BCAR3: variants seen among roughly 807,000 people sequenced by gnomAD.
BCAR3 encodes the protein breast cancer anti-estrogen resistance protein 3.
Under a neutral mutation model 80.1 loss-of-function variants are expected in BCAR3, and 37 were observed. The observed-to-expected ratio is 0.46, with a 90% CI of 0.36 to 0.61. BCAR3 has a LOEUF of 0.61. BCAR3 is among the 20% of genes least tolerant of loss of function. The pLI is 0.00. For missense variants in BCAR3, 978 were observed against 1,068.2 expected (o/e 0.92, Z 1.18); for synonymous variants, 389 against 418.9 (o/e 0.93, Z 0.87).
rs146206321 is a variant in BCAR3, at chr1:93,820,009, C to T, written c.-63+25558G>A. Among the ~76,000 whole-genome samples the T allele has an allele frequency of 5.4e-3, 818 of 152,262 alleles. 3 individuals carry two copies. The highest frequency in any genetic ancestry group is 0.033 in the South Asian group (158 of 4,822). ...GTTTAGCTCCATTTATAAATGAGAA[C>T]ATGTGGTATTTGGTTTTCTGTTCCT... On this transcript the variant is annotated intron_variant, in intron 2 of 13. Transcript: ENST00000370244.
At chr1:93,727,763 G>T (rs558082234) in intron 2 of BCAR3, among the ~76,000 whole-genome samples, 1 of 152,294 alleles carries the variant, frequency 6.6e-6, no homozygotes, top group East Asian at 1.9e-4. Flanking sequence ...TAATATGTTG[G>T]TGTATGCAGC....
chr1:93,698,595 T>C (rs1649515208), intron 3 of BCAR3, among the ~76,000 whole-genome samples: 1 of 152,144 alleles, frequency 6.6e-6, no homozygotes, highest in Admixed American at 6.5e-5. Context: ...GAAGGCAATA[T>C]ACTCATGACT....
intron 2 of BCAR3, among the ~76,000 whole-genome samples, chr1:93,836,476 T>G (rs1654772316): frequency 6.6e-6 from 1 of 151,998 alleles, no homozygotes; most frequent in African/African-American, 2.4e-5. Context: ...ATACGACAAA[T>G]GCTCCTTCTA....
At chr1:93,616,357 G>A (rs1407091570) in intron 3 of BCAR3, among the ~76,000 whole-genome samples, 3 of 152,150 alleles carry the variant, frequency 2.0e-5, no homozygotes, top group South Asian at 2.1e-4. Flanking sequence ...CTAAAATAAC[G>A]TGTTGTTTTT....
At chr1:93,679,100 C>T (rs1045720919) in intron 1 of BCAR3, among the ~76,000 whole-genome samples, 1 of 152,200 alleles carries the variant, frequency 6.6e-6, no homozygotes, top group African/African-American at 2.4e-5. Context: ...GCTGTATGGC[C>T]TGGGACAAGT....
chr1:93,591,118 AAGTC>A (rs1232889548), intron 4 of BCAR3, among the ~76,000 whole-genome samples: 3 of 150,874 alleles, frequency 2.0e-5, no homozygotes, highest in Non-Finnish European at 4.4e-5. Context: ...TAAAAAAACA[AAGTC>A]AGAATAATAA....
chr1:93,626,938 ATTC>A (rs1388724929), intron 3 of BCAR3, among the ~76,000 whole-genome samples: 1 of 152,232 alleles, frequency 6.6e-6, no homozygotes, highest in East Asian at 1.9e-4. Flanking sequence ...AAACTTGGTT[ATTC>A]AGACTCGGGT....
At chr1:93,639,462 G>A (rs953293539) in intron 3 of BCAR3, among the ~76,000 whole-genome samples, 1 of 151,432 alleles carries the variant, frequency 6.6e-6, no homozygotes, top group African/African-American at 2.4e-5. Context: ...TCTCCGATGG[G>A]GAGGGGAGCA....
chr1:93,665,931 T>C (rs1220364895), intron 2 of BCAR3, among the ~76,000 whole-genome samples: 1 of 151,926 alleles, frequency 6.6e-6, no homozygotes, highest in Non-Finnish European at 1.5e-5. Flanking sequence ...CCCCACCATA[T>C]CCAAACCTCA....
At chr1:93,689,212 C>T (rs1649081981) in intron 3 of BCAR3, among the ~76,000 whole-genome samples, 1 of 151,186 alleles carries the variant, frequency 6.6e-6, no homozygotes, top group South Asian at 2.1e-4. Context: ...GGGGGCTGGG[C>T]GTGGTGGCTC....
At chr1:93,798,598 A>C (rs2100784995) in intron 2 of BCAR3, among the ~76,000 whole-genome samples, 1 of 152,306 alleles carries the variant, frequency 6.6e-6, no homozygotes, top group Middle Eastern at 3.4e-3. Context: ...TATAAATATT[A>C]GTTATTTGAT....
intron 2 of BCAR3, among the ~76,000 whole-genome samples, chr1:93,827,878 G>A (rs541582504): frequency 1.3e-5 from 2 of 152,246 alleles, no homozygotes; most frequent in South Asian, 4.1e-4. Context: ...AACTAAAAGA[G>A]ATTGGAAGGC....
At chr1:93,691,977 T>C (rs1431407360) in intron 3 of BCAR3, among the ~76,000 whole-genome samples, 1 of 152,262 alleles carries the variant, frequency 6.6e-6, no homozygotes, top group African/African-American at 2.4e-5. Flanking sequence ...TCTCTACTTT[T>C]GCATATGGTT....
chr1:93,816,974 C>T (rs555417053), intron 2 of BCAR3, among the ~76,000 whole-genome samples: 1 of 152,172 alleles, frequency 6.6e-6, no homozygotes, highest in South Asian at 2.1e-4. Flanking sequence ...AACCACCACC[C>T]CCTCAAAAAA....
At chr1:93,645,679 T>C (rs1676133070) in intron 2 of BCAR3, among the ~76,000 whole-genome samples, 1 of 151,546 alleles carries the variant, frequency 6.6e-6, no homozygotes, top group African/African-American at 2.4e-5. Context: ...TCCATGTATA[T>C]TTAAAAGGCC....
At chr1:93,739,320 G>C (rs1273941834) in intron 2 of BCAR3, among the ~76,000 whole-genome samples, 1 of 152,152 alleles carries the variant, frequency 6.6e-6, no homozygotes, top group East Asian at 1.9e-4. Flanking sequence ...TTAGGGTTAA[G>C]TAGTGATTAG....
chr1:93,564,031 G>A (rs1170119452), intron 11 of BCAR3, among the ~76,000 whole-genome samples: 1 of 151,890 alleles, frequency 6.6e-6, no homozygotes, highest in East Asian at 1.9e-4. Context: ...TAGATAGTGT[G>A]GTGGTATCTC....
chr1:93,631,586 T>C (rs1675621674), intron 3 of BCAR3, among the ~76,000 whole-genome samples: 1 of 152,140 alleles, frequency 6.6e-6, no homozygotes, highest in Non-Finnish European at 1.5e-5. Context: ...CGAAGTCCAA[T>C]ATGGAGCTGA....
Position 93,582,706 on chromosome 1 carries a change from G to T in BCAR3, c.1281C>A (p.Ala427=). The change falls in exon 7 of 12, where the codon GCC becomes GCA. Residue 427 remains alanine, a synonymous_variant. Transcript: ENST00000260502. The part of the protein sequence containing the change: ...SSPSAWLNSE[A]NYCELNPAFA... ...ACGCTGGGTTCAGTTCACAGTAGTT[G>T]GCCTCTGAGTTGAGCCAGGCAGAGG... 6.2e-7 allele frequency: 1 copy of T among 1,614,094 alleles called. No individual in the cohort carries two copies. The highest frequency in any genetic ancestry group is 8.5e-7 in the Non-Finnish European group (1 of 1,180,010).
Sources: gnomAD v4.1 joint callset for allele counts (sites outside exome capture counted in the v4.1 genomes callset) on GRCh38, gnomAD v4.1.1 for gene constraint, MANE v1.5 for transcripts, NCBI Gene and HGNC (gene_info 2026-07-23, HGNC 2026-07-21) for gene names.